Variants in CADM2 observed in about 807,000 individuals in gnomAD.
The protein encoded by CADM2 is cell adhesion molecule 2.
Under a neutral mutation model 49.8 loss-of-function variants are expected in CADM2, and 12 were observed. That is an observed-to-expected ratio of 0.24 (90% CI 0.15 to 0.39). The LOEUF (loss-of-function observed/expected upper bound fraction) is 0.39. CADM2 is among the 10% of genes least tolerant of loss of function. The pLI is 1.00. For missense variants in CADM2, 378 were observed against 492.3 expected, an observed-to-expected ratio of 0.77 and a Z score of 2.20; for synonymous variants, 214 against 175.4, an observed-to-expected ratio of 1.22 and a Z score of -1.74.
intron 3 of CADM2, among the ~76,000 whole-genome samples, chr3:85,852,434 C>G (rs2075144970): frequency 6.6e-6 from 1 of 152,030 alleles, no homozygotes; most frequent in African/African-American, 2.4e-5. Flanking sequence ...GTGTAACACT[C>G]TAGTGGACAT....
chr3:85,016,802 T>G (rs575490843), intron 1 of CADM2, among the ~76,000 whole-genome samples: 97 of 143,564 alleles, frequency 6.8e-4, no homozygotes, highest in Admixed American at 9.7e-4. Flanking sequence ...AAAAAAAAAA[T>G]AAAAAGAAAA....
intron 8 of CADM2, among the ~76,000 whole-genome samples, chr3:86,038,281 C>G (rs1344975653): frequency 6.6e-6 from 1 of 152,170 alleles, no homozygotes; most frequent in East Asian, 1.9e-4. Flanking sequence ...TGAAGACAAT[C>G]AAGTGAGCAT....
At position 85,945,965 on chromosome 3, in the gene CADM2, G is replaced by A. The variant is rs560441214; in HGVS notation, c.791+10108G>A. ...AGGAGAAAGAAATAAAGGGTATTCAGTTAGGAAAAGAGGAAGTCAAATTGT... is the reference window on the plus strand; with the variant it reads ...AGGAGAAAGAAATAAAGGGTATTCAATTAGGAAAAGAGGAAGTCAAATTGT... On this transcript the variant is annotated intron_variant, in intron 7 of 9. Transcript: ENST00000383699. Among the ~76,000 whole-genome samples the A allele has an allele frequency of 6.6e-5, 10 of 151,858 alleles. 1 individual carries two copies. The highest frequency in any genetic ancestry group is 1.3e-4 in the Admixed American group (2 of 15,194).
intron 3 of CADM2, among the ~76,000 whole-genome samples, chr3:85,831,526 G>A (rs1474238425): frequency 6.6e-6 from 1 of 151,914 alleles, no homozygotes; most frequent in South Asian, 2.1e-4. Context: ...TAACCATTCT[G>A]AATGGTGTGA....
At chr3:85,626,246 C>G (rs1355852715) in intron 1 of CADM2, among the ~76,000 whole-genome samples, 1 of 151,934 alleles carries the variant, frequency 6.6e-6, no homozygotes, top group East Asian at 1.9e-4. Flanking sequence ...ATAAAAGTGA[C>G]AGCTCAATAA....
At chr3:85,786,828 A>G (rs925200959) in intron 2 of CADM2, among the ~76,000 whole-genome samples, 5 of 152,036 alleles carry the variant, frequency 3.3e-5, no homozygotes, top group African/African-American at 9.7e-5. Context: ...TTGGCGATAA[A>G]AACTCTGGTT....
At chr3:85,819,953 GA>G (rs1194507574) in intron 3 of CADM2, among the ~76,000 whole-genome samples, 4 of 152,156 alleles carry the variant, frequency 2.6e-5, no homozygotes, top group South Asian at 2.1e-4. Context: ...AGAGAGATAA[GA>G]AAAGCTATTT....
intron 1 of CADM2, among the ~76,000 whole-genome samples, chr3:85,008,700 A>C (rs2107243136): frequency 6.6e-6 from 1 of 152,240 alleles, no homozygotes; most frequent in African/African-American, 2.4e-5. Flanking sequence ...AAATTGAGGG[A>C]TCAGATACAT....
intron 8 of CADM2, among the ~76,000 whole-genome samples, chr3:86,031,630 T>G (rs1734569366): frequency 6.6e-6 from 1 of 151,966 alleles, no homozygotes; most frequent in East Asian, 1.9e-4. Flanking sequence ...GTCATTCACT[T>G]ATTTATCCTT....
intron 1 of CADM2, among the ~76,000 whole-genome samples, chr3:85,093,153 A>G (rs2037662648): frequency 6.6e-6 from 1 of 152,196 alleles, no homozygotes; most frequent in South Asian, 2.1e-4. Context: ...CTTTTACCGT[A>G]GGAACTAACA....
chr3:85,037,171 A>C (rs541535386), intron 1 of CADM2, among the ~76,000 whole-genome samples: 13,569 of 152,102 alleles, frequency 0.089, 841 homozygotes, highest in Non-Finnish European at 0.14. Flanking sequence ...CTCCATCTCT[A>C]AAAAAAACAA....
chr3:86,026,138 A>C (rs1188182494), intron 8 of CADM2, among the ~76,000 whole-genome samples: 1 of 152,156 alleles, frequency 6.6e-6, no homozygotes. Flanking sequence ...ATTGTGTGGA[A>C]TTAGAAACAG....
intron 1 of CADM2, among the ~76,000 whole-genome samples, chr3:85,660,228 T>C (rs2065357698): frequency 6.6e-6 from 1 of 152,124 alleles, no homozygotes; most frequent in African/African-American, 2.4e-5. Context: ...GAGGTCTTAC[T>C]TCAGTCATTT....
In CADM2 at chr3:86,072,699, AT is replaced by A. The variant is rs1703352589; in HGVS notation, c.*5917del. 1 of 152,048 alleles carries A rather than the reference AT, an allele frequency of 6.6e-6. No individual in the cohort carries two copies. Among genetic ancestry groups the A allele is most frequent in the Admixed American group, 6.6e-5 (1 of 15,228 alleles). 9.4% of individuals were successfully genotyped at this position (152,048 alleles called of 1,614,324 possible). A position where few individuals can be genotyped will look rare whatever the true frequency, so the allele number is the denominator to read the frequency against. ...GATACTAGTAGACACTTTTCTCTTT[AT>A]ATTTACTGATAGTGAAAATCATACG... On this transcript the variant is annotated 3_prime_UTR_variant, in exon 10 of 10. Transcript: ENST00000383699.
rs1007379799 is a variant in CADM2 at position 85,241,987 on chromosome 3, T to C, written c.61+282319T>C. 2.0e-5 allele frequency among the ~76,000 whole-genome samples: 3 copies of C among 151,414 alleles called. No homozygotes were observed. The South Asian group carries it at 6.2e-4, about 31-fold the overall frequency. On this transcript the variant is annotated intron_variant, in intron 1 of 9. Transcript: ENST00000383699. ...ATCCAGCTGATATTAATAGAGTAGT[T>C]GCATGCCCCACATGATTCCTTTAGT... is the stretch of plus-strand genomic sequence containing the variant.
chr3:85,956,414 C>T (rs1008146406), intron 7 of CADM2, among the ~76,000 whole-genome samples: 2 of 151,588 alleles, frequency 1.3e-5, no homozygotes, highest in African/African-American at 4.8e-5. Flanking sequence ...TATTAAGAAG[C>T]TTGAACATTT....
chr3:85,982,986 A>G (rs149458116), intron 8 of CADM2, among the ~76,000 whole-genome samples: 5 of 151,844 alleles, frequency 3.3e-5, no homozygotes, highest in African/African-American at 1.2e-4. Flanking sequence ...TTCATAAACT[A>G]TAGCATTTAT....
chr3:85,866,906 AT>A (rs1428209749), intron 3 of CADM2, among the ~76,000 whole-genome samples: 4 of 152,144 alleles, frequency 2.6e-5, no homozygotes, highest in Non-Finnish European at 4.4e-5. Context: ...CAGATAGTAT[AT>A]TAAGAAGTAG....
At chr3:85,609,890 A>T (rs1476456276) in intron 1 of CADM2, among the ~76,000 whole-genome samples, 2 of 152,078 alleles carry the variant, frequency 1.3e-5, no homozygotes, top group Non-Finnish European at 2.9e-5. Flanking sequence ...AGGTGCAGTA[A>T]TCATAGAGGA....
Sources: allele counts gnomAD v4.1 joint callset (sites outside exome capture counted in the v4.1 genomes callset), GRCh38; gene constraint gnomAD v4.1.1; transcripts MANE v1.5; gene names NCBI Gene and HGNC (gene_info 2026-07-23, HGNC 2026-07-21).